CD8B2: variants seen among roughly 807,000 people sequenced by gnomAD.
CD8B2 encodes the protein T-cell surface glycoprotein CD8 beta-2 chain.
Under a neutral mutation model 23.7 loss-of-function variants are expected in CD8B2, and 11 were observed. The observed-to-expected ratio is 0.46, with a 90% CI of 0.29 to 0.77. The LOEUF (loss-of-function observed/expected upper bound fraction) is 0.77. Among genes scored for constraint, CD8B2 ranks in the 30% least tolerant of loss-of-function variants. The pLI is 0.09. For synonymous variants in CD8B2, 90 were observed against 109.3 expected (o/e 0.82, Z 1.10); for missense variants, 197 against 270.5 (o/e 0.73, Z 1.91).
intron 5 of CD8B2, among the ~76,000 whole-genome samples, chr2:106,529,021 G>A (rs1348562211): frequency 6.6e-6 from 1 of 152,182 alleles, no homozygotes; most frequent in East Asian, 1.9e-4. Flanking sequence ...CCTGGCAAGT[G>A]TGGAAGCAGC....
At chr2:106,532,568 T>C (rs941443539) in intron 5 of CD8B2, among the ~76,000 whole-genome samples, 2 of 152,210 alleles carry the variant, frequency 1.3e-5, no homozygotes, top group Admixed American at 6.5e-5. Flanking sequence ...CCCATTTTTA[T>C]GGTTATTTCT....
chr2:106,533,492 C>G (rs942835321), intron 5 of CD8B2, among the ~76,000 whole-genome samples: 1 of 152,038 alleles, frequency 6.6e-6, no homozygotes, highest in African/African-American at 2.4e-5. Flanking sequence ...CTCAGAGACC[C>G]CGTGCTACAC....
chr2:106,531,448 C>T (rs1679988379), intron 5 of CD8B2, among the ~76,000 whole-genome samples: 1 of 152,136 alleles, frequency 6.6e-6, no homozygotes, highest in Non-Finnish European at 1.5e-5. Context: ...ATTTTCTGTC[C>T]TCTATCACAC....
chr2:106,507,217 C>A lies in CD8B2; in HGVS notation c.*277C>A. 1.6e-6 allele frequency: 2 copies of A among 1,246,622 alleles called. No individual in the cohort carries two copies. The highest frequency in any genetic ancestry group is 2.0e-6 in the Non-Finnish European group (2 of 990,080). 77.2% of individuals were successfully genotyped at this position (1,246,622 alleles called of 1,614,324 possible). The stretch of plus-strand genomic sequence containing the variant: ...GAGTAAGAAATGCTGCCCATGCCAC[C>A]GCTTCCGGCTCCTGTGCTTTCCCTG... On this transcript the variant is annotated 3_prime_UTR_variant, in exon 6 of 6. Transcript: ENST00000643224.
chr2:106,493,319 CAG>C (rs538819240), intron 2 of CD8B2, among the ~76,000 whole-genome samples: 38 of 152,218 alleles, frequency 2.5e-4, no homozygotes, highest in African/African-American at 8.9e-4. Context: ...CTTTTAAGAA[CAG>C]AGAGGGAGAG....
At chr2:106,517,837 C>G (rs1287966237) in intron 5 of CD8B2, among the ~76,000 whole-genome samples, 1 of 151,896 alleles carries the variant, frequency 6.6e-6, no homozygotes. Flanking sequence ...CTCAGCCTCC[C>G]AAGGAGCTGG....
At position 106,510,757 on chromosome 2, in the gene CD8B2, TTTC is replaced by T. The variant is rs1231744500; in HGVS notation, c.*3820_*3822del. Reference sequence around the variant, plus strand: ...AAAAATAAATTTTTTCTAAAAAAAGTTTCTTGTTTTTTTTTCTTCCCATATTTT... The same window carrying T: ...AAAAATAAATTTTTTCTAAAAAAAGTTTGTTTTTTTTTCTTCCCATATTTT... On this transcript the variant is annotated 3_prime_UTR_variant, in exon 6 of 6. Transcript: ENST00000643224. 7.2e-5 allele frequency: 11 copies of T among 152,006 alleles called. No homozygotes were observed. The highest frequency in any genetic ancestry group is 1.9e-4 in the East Asian group (1 of 5,194). 9.4% of individuals were successfully genotyped at this position (152,006 alleles called of 1,614,324 possible). A position where few individuals can be genotyped will look rare whatever the true frequency, so the allele number is the denominator to read the frequency against.
At chr2:106,534,941 C>A (rs2104575264) in intron 5 of CD8B2, among the ~76,000 whole-genome samples, 1 of 152,244 alleles carries the variant, frequency 6.6e-6, no homozygotes, top group East Asian at 1.9e-4. Flanking sequence ...CTTGCCTCAG[C>A]CTCCTGAGTA....
chr2:106,499,577 C>T (rs1447323571), intron 3 of CD8B2, among the ~76,000 whole-genome samples: 3 of 151,312 alleles, frequency 2.0e-5, no homozygotes, highest in South Asian at 2.1e-4. Flanking sequence ...AATTTGCATA[C>T]CGCAAAGTTC....
intron 3 of CD8B2, among the ~76,000 whole-genome samples, chr2:106,498,055 A>C (rs1346326803): frequency 1.3e-5 from 2 of 152,246 alleles, no homozygotes; most frequent in Non-Finnish European, 2.9e-5. Flanking sequence ...ATCTTCATGT[A>C]AGGACAGCTG....
chr2:106,497,049 TG>T (rs1449288681), intron 3 of CD8B2, among the ~76,000 whole-genome samples: 3 of 152,080 alleles, frequency 2.0e-5, no homozygotes, highest in African/African-American at 7.2e-5. Flanking sequence ...CCCAGATGGG[TG>T]GATCGCCTTG....
intron 5 of CD8B2, among the ~76,000 whole-genome samples, chr2:106,506,294 T>G (rs1381583543): frequency 6.6e-6 from 1 of 152,090 alleles, no homozygotes. Context: ...GGAGGCTGGA[T>G]GCAGGACCTC....
chr2:106,540,034 G>A (rs905713634), intron 5 of CD8B2, among the ~76,000 whole-genome samples: 1 of 152,170 alleles, frequency 6.6e-6, no homozygotes, highest in African/African-American at 2.4e-5. Flanking sequence ...TTATGTAGAT[G>A]AAGTTAGGGT....
intron 5 of CD8B2, among the ~76,000 whole-genome samples, chr2:106,523,397 T>C (rs1166115498): frequency 6.6e-6 from 1 of 151,468 alleles, no homozygotes; most frequent in East Asian, 1.9e-4. Flanking sequence ...GCAGGGGGGG[T>C]CAACTACTGT....
At chr2:106,520,035 G>T (rs1679798770) in intron 5 of CD8B2, among the ~76,000 whole-genome samples, 1 of 152,126 alleles carries the variant, frequency 6.6e-6, no homozygotes, top group Non-Finnish European at 1.5e-5. Context: ...TCATCCTATG[G>T]CCCTAGTTAG....
chr2:106,525,251 C>T (rs185384282), intron 5 of CD8B2, among the ~76,000 whole-genome samples: 1 of 152,316 alleles, frequency 6.6e-6, no homozygotes, highest in Admixed American at 6.5e-5. Flanking sequence ...AGAGAATCTT[C>T]TCTCCAATCA....
chr2:106,538,474 G>C (rs935704440), intron 5 of CD8B2, among the ~76,000 whole-genome samples: 1 of 152,054 alleles, frequency 6.6e-6, no homozygotes, highest in Non-Finnish European at 1.5e-5. Flanking sequence ...TCTACTATTA[G>C]CAGTGATTAA....
At chr2:106,542,892 G>A (rs937285143) in intron 5 of CD8B2, 2 of 151,978 alleles carry the variant, frequency 1.3e-5, no homozygotes, top group African/African-American at 4.8e-5. Flanking sequence ...TAACATTTCC[G>A]TACGTTGCTC....
rs1033158661 is a variant in CD8B2, at chr2:106,508,179, T to C, written c.*1239T>C. The C allele has an allele frequency of 1.3e-5, 2 of 151,224 alleles. No individual in the cohort carries two copies. Among genetic ancestry groups the C allele is most frequent in the African/African-American group, 4.9e-5 (2 of 41,090 alleles). The allele number at this position is 151,224 out of a possible 1,614,324, so 9.4% of individuals were successfully genotyped here. A position where few individuals can be genotyped will look rare whatever the true frequency, so the allele number is the denominator to read the frequency against. Reference sequence around the variant, plus strand: ...TAGCAGCCTAGGAGCTATTGCACCATAAAACACTGCAACCTGAGGCTGCAT... The same window carrying C: ...TAGCAGCCTAGGAGCTATTGCACCACAAAACACTGCAACCTGAGGCTGCAT... On this transcript the variant is annotated 3_prime_UTR_variant, in exon 6 of 6. Transcript: ENST00000643224.
Sources: allele counts gnomAD v4.1 joint callset (sites outside exome capture counted in the v4.1 genomes callset), GRCh38; gene constraint gnomAD v4.1.1; transcripts MANE v1.5; gene names NCBI Gene and HGNC (gene_info 2026-07-23, HGNC 2026-07-21).